PLB1: variants seen among roughly 807,000 people sequenced by gnomAD.
PLB1 encodes phospholipase B1, membrane-associated.
Under a neutral mutation model 227.4 loss-of-function variants are expected in PLB1, and 242 were observed. The observed-to-expected ratio is 1.06, with a 90% CI of 0.96 to 1.18. The LOEUF (loss-of-function observed/expected upper bound fraction) is 1.18. Among genes scored for constraint, PLB1 ranks in the 50% most tolerant of loss-of-function variants. The pLI, the probability that PLB1 is intolerant of heterozygous loss-of-function variation, is 0.00. For missense variants in PLB1, 1,858 were observed against 1,816.3 expected (o/e 1.02, Z -0.42); for synonymous variants, 757 against 682.2 (o/e 1.11, Z -1.71).
chr2:28,496,102 G>T lies in PLB1; in HGVS notation c.-13G>T, dbSNP rs372121341. On this transcript the variant is annotated 5_prime_UTR_variant, in exon 1 of 58. Transcript: ENST00000327757. ...GCTCTTCCAGAGGCCCGAGTCACCT[G>T]GAGCATTCTGGCATGGGGCTGCGGC... The T allele has an allele frequency of 6.2e-7, 1 of 1,613,938 alleles. No individual in the cohort carries two copies.
chr2:28,497,081 C>T (rs1666542947), intron 1 of PLB1, among the ~76,000 whole-genome samples: 1 of 152,230 alleles, frequency 6.6e-6, no homozygotes, highest in Non-Finnish European at 1.5e-5. Flanking sequence ...TCTTTGATTA[C>T]TGATGAGGCC....
intron 1 of PLB1, among the ~76,000 whole-genome samples, chr2:28,510,841 T>G (rs1292318621): frequency 6.6e-6 from 1 of 150,742 alleles, no homozygotes; most frequent in Admixed American, 6.6e-5. Context: ...TTGCTTAGGC[T>G]GGTCTTGAAT....
At chr2:28,544,165 G>A (rs1247751420) in intron 14 of PLB1, among the ~76,000 whole-genome samples, 3 of 152,044 alleles carry the variant, frequency 2.0e-5, no homozygotes, top group Non-Finnish European at 4.4e-5. Flanking sequence ...GAAGGGGCAC[G>A]GCCTCCGACA....
At chr2:28,567,264 C>T (rs1390741384) in intron 20 of PLB1, among the ~76,000 whole-genome samples, 1 of 152,094 alleles carries the variant, frequency 6.6e-6, no homozygotes, top group Non-Finnish European at 1.5e-5. Flanking sequence ...GCAGATCACC[C>T]CCGCGAGAGG....
At chr2:28,630,212 G>T (rs1292828867) in intron 53 of PLB1, among the ~76,000 whole-genome samples, 1 of 152,140 alleles carries the variant, frequency 6.6e-6, no homozygotes, top group Admixed American at 6.5e-5. Flanking sequence ...ATTGTGGCTG[G>T]TTTCCTAAAC....
chr2:28,521,406 AG>A (rs1360489106), intron 4 of PLB1, among the ~76,000 whole-genome samples: 6 of 152,180 alleles, frequency 3.9e-5, no homozygotes, highest in African/African-American at 1.4e-4. Context: ...ACAGTGCACA[AG>A]GGTTCTAATT....
chr2:28,525,144 C>A, intron 4 of PLB1, 123 bp from the exon 5 acceptor site: 1 of 842,616 alleles, frequency 1.2e-6, no homozygotes, highest in Non-Finnish European at 1.9e-6. Context: ...AGCCACCAAG[C>A]CTGGGCTTGT....
intron 4 of PLB1, among the ~76,000 whole-genome samples, chr2:28,524,690 T>C (rs562285168): frequency 4.4e-4 from 67 of 152,210 alleles, no homozygotes; most frequent in African/African-American, 1.6e-3. Flanking sequence ...AGAAAGTTAA[T>C]GACTTTAGGG....
At chr2:28,585,379 G>A (rs535746978) in intron 25 of PLB1, among the ~76,000 whole-genome samples, 1 of 151,924 alleles carries the variant, frequency 6.6e-6, no homozygotes, top group Non-Finnish European at 1.5e-5. Context: ...GGGTTCAAGC[G>A]ATTCTCATGC....
intron 17 of PLB1, among the ~76,000 whole-genome samples, chr2:28,562,311 A>G (rs113016490): frequency 0.011 from 1,612 of 152,154 alleles, 24 homozygotes; most frequent in African/African-American, 0.037. Flanking sequence ...TGGGAGGCCA[A>G]GCCAAGTGGA....
At chr2:28,571,602 G>A (rs538220191) in intron 20 of PLB1, among the ~76,000 whole-genome samples, 15 of 152,208 alleles carry the variant, frequency 9.9e-5, no homozygotes, top group Admixed American at 3.3e-4. Flanking sequence ...TAGACATATC[G>A]AACAGTGGAC....
chr2:28,643,289 A>G lies in PLB1; in HGVS notation c.*228A>G, dbSNP rs1051925687. 1 of 434,284 alleles carries G rather than the reference A, an allele frequency of 2.3e-6. No individual in the cohort carries two copies. Among genetic ancestry groups the G allele is most frequent in the African/African-American group, 2.0e-5 (1 of 50,102 alleles). 26.9% of individuals were successfully genotyped at this position (434,284 alleles called of 1,614,324 possible). On this transcript the variant is annotated 3_prime_UTR_variant, in exon 58 of 58. Transcript: ENST00000327757. ...TTTATTCCTGGGTTTGCCTGCGTGA[A>G]GCACTCACCTTCCATCTCTTGTGCA...
intron 16 of PLB1, among the ~76,000 whole-genome samples, chr2:28,551,190 G>T (rs1464515839): frequency 6.6e-6 from 1 of 152,194 alleles, no homozygotes; most frequent in Non-Finnish European, 1.5e-5. Flanking sequence ...GCGGAGAATT[G>T]TGGTGAGGTC....
chr2:28,604,907 T>C (rs1684447184), intron 41 of PLB1, 148 bp downstream of exon 41: 2 of 699,428 alleles, frequency 2.9e-6, no homozygotes, highest in South Asian at 1.8e-5. Context: ...CCTGAACGCC[T>C]GAGCCACATC....
Position 28,626,465 on chromosome 2 carries a change from T to A in PLB1, c.3617T>A (p.Leu1206His). The change falls in exon 51 of 58, where the codon CTC (leucine) becomes CAC (histidine). Residue 1206 changes from leucine (L) to histidine (H), a missense_variant. Leu to His is a moderately conservative substitution (Grantham distance 99). Transcript: ENST00000327757. ...NLEKDWKLVT[L>H]FIGVNDLCHY... ...GAGAAAGACTGGAAGCTGGTCACAC[T>A]CTTCATTGGGGTCAACGACTTGTGT... 1 of 1,614,104 alleles carries A rather than the reference T, an allele frequency of 6.2e-7. No homozygotes were observed. Among genetic ancestry groups the A allele is most frequent in the Non-Finnish European group, 8.5e-7 (1 of 1,180,000 alleles).
At chr2:28,567,164 A>C (rs937097081) in intron 20 of PLB1, among the ~76,000 whole-genome samples, 9 of 152,194 alleles carry the variant, frequency 5.9e-5, no homozygotes, top group Non-Finnish European at 1.3e-4. Context: ...AAAGTGATTC[A>C]ATAATCTGGC....
At chr2:28,593,586 C>T (rs1682371503) in intron 32 of PLB1, 95 bp from the exon 33 acceptor site, 2 of 1,011,440 alleles carry the variant, frequency 2.0e-6, no homozygotes, top group African/African-American at 1.6e-5. Context: ...ACCACGAGTG[C>T]ATTGGGAACC....
At chr2:28,618,263 A>G in intron 45 of PLB1, 78 bp from the exon 46 acceptor site, 1 of 1,315,354 alleles carries the variant, frequency 7.6e-7, no homozygotes, top group Non-Finnish European at 1.1e-6. Flanking sequence ...ACAGAGTTAT[A>G]GACTTCTGGT....
At chr2:28,589,113 C>T (rs899681253) in intron 26 of PLB1, among the ~76,000 whole-genome samples, 1 of 151,938 alleles carries the variant, frequency 6.6e-6, no homozygotes, top group Admixed American at 6.6e-5. Context: ...TGCAGTGAGC[C>T]AAGATCGCGC....
Sources: allele counts gnomAD v4.1 joint callset (sites outside exome capture counted in the v4.1 genomes callset), GRCh38; gene constraint gnomAD v4.1.1; transcripts MANE v1.5; gene names NCBI Gene and HGNC (gene_info 2026-07-23, HGNC 2026-07-21).